The following PCDH15 variants were observed in gnomAD, a reference collection of about 807,000 sequenced individuals.
PCDH15 encodes the protein protocadherin related 15, also known as protocadherin-15.
Under a neutral mutation model 178.5 loss-of-function variants are expected in PCDH15, and 129 were observed. That is an observed-to-expected ratio of 0.72 (90% confidence interval 0.63 to 0.84). PCDH15 has a LOEUF of 0.84. Among genes scored for constraint, PCDH15 ranks in the 40% least tolerant of loss-of-function variants. The pLI, the probability that PCDH15 is intolerant of heterozygous loss-of-function variation, is 0.00. For synonymous variants in PCDH15, 800 were observed against 732.0 expected, an observed-to-expected ratio of 1.09 and a Z score of -1.50; for missense variants, 2,230 against 2,099.9, an observed-to-expected ratio of 1.06 and a Z score of -1.21.
At chr10:54,548,799 A>C (rs935615429) in intron 2 of PCDH15, among the ~76,000 whole-genome samples, 3 of 151,288 alleles carry the variant, frequency 2.0e-5, no homozygotes, top group African/African-American at 4.8e-5. Flanking sequence ...GCTGAAGAAC[A>C]TTGTAATTTT....
At chr10:54,878,404 C>A (rs1358994832) in intron 3 of PCDH15, among the ~76,000 whole-genome samples, 1 of 152,114 alleles carries the variant, frequency 6.6e-6, no homozygotes, top group Non-Finnish European at 1.5e-5. Flanking sequence ...TACAAATATG[C>A]AGATATTCCA....
In PCDH15 at chr10:54,730,141, A is replaced by T. The variant is rs77086716; in HGVS notation, c.-28-65851T>A. Among the ~76,000 whole-genome samples the T allele has an allele frequency of 2.8e-3, 428 of 151,838 alleles. 17 individuals carry two copies. The South Asian group carries it at 0.068, about 24-fold the overall frequency. On this transcript the variant is annotated intron_variant, in intron 1 of 37. Coordinates refer to ENST00000644397, the MANE Select transcript of PCDH15 (RefSeq NM_001384140.1). ...CTACTTATAGTAACGAAGACATGGA[A>T]TCAACCTAAATGATTATCAATAGTG...
chr10:55,602,106 T>G (rs1205401247), intron 2 of PCDH15, among the ~76,000 whole-genome samples: 1 of 152,034 alleles, frequency 6.6e-6, no homozygotes, highest in African/African-American at 2.4e-5. Context: ...TTCCCTTTCC[T>G]AGTCAAGGAA....
At chr10:55,599,957 A>T (rs1310192745) in intron 2 of PCDH15, 2 of 1,514,418 alleles carry the variant, frequency 1.3e-6, no homozygotes, top group African/African-American at 2.8e-5. Context: ...TGACCTACCT[A>T]TGAAGAGGCG....
chr10:53,948,156 C>G (rs2086728761), intron 23 of PCDH15, among the ~76,000 whole-genome samples: 1 of 152,026 alleles, frequency 6.6e-6, no homozygotes, highest in South Asian at 2.1e-4. Flanking sequence ...TCCTGATAAA[C>G]CCATCCCTGT....
At chr10:54,065,959 G>A (rs1337182106) in intron 18 of PCDH15, among the ~76,000 whole-genome samples, 3 of 152,182 alleles carry the variant, frequency 2.0e-5, no homozygotes, top group Non-Finnish European at 4.4e-5. Flanking sequence ...GCCTTCTGTG[G>A]AAAAGTCAGA....
At chr10:55,237,784 T>C (rs1841423795) in intron 1 of PCDH15, among the ~76,000 whole-genome samples, 1 of 151,988 alleles carries the variant, frequency 6.6e-6, no homozygotes, top group Non-Finnish European at 1.5e-5. Flanking sequence ...GTAGATTGAA[T>C]GCATTCTGTA....
chr10:53,977,339 T>G (rs761162299), intron 21 of PCDH15, among the ~76,000 whole-genome samples: 4 of 152,100 alleles, frequency 2.6e-5, no homozygotes, highest in Non-Finnish European at 5.9e-5. Flanking sequence ...AAATCACAAA[T>G]AAACCTCATA....
At chr10:54,729,105 TA>T in intron 1 of PCDH15, among the ~76,000 whole-genome samples, 1 of 151,642 alleles carries the variant, frequency 6.6e-6, no homozygotes, top group Non-Finnish European at 1.5e-5. Flanking sequence ...AGAGCCTGAA[TA>T]GCCAAAGCAA....
chr10:54,571,333 GAA>G (rs60604711), intron 2 of PCDH15, among the ~76,000 whole-genome samples: 168 of 128,510 alleles, frequency 1.3e-3, no homozygotes, highest in African/African-American at 4.9e-3. Context: ...GACAAAATTT[GAA>G]AAAAAAAAAA....
intron 2 of PCDH15, among the ~76,000 whole-genome samples, chr10:55,621,187 A>C (rs776409946): frequency 8.5e-5 from 13 of 152,204 alleles, no homozygotes; most frequent in Non-Finnish European, 1.8e-4. Flanking sequence ...AATTTAACTT[A>C]TATGTTTTAG....
intron 2 of PCDH15, among the ~76,000 whole-genome samples, chr10:54,627,430 C>T (rs1029863428): frequency 5.9e-5 from 9 of 152,100 alleles, no homozygotes; most frequent in African/African-American, 2.2e-4. Context: ...GTGAATGGGT[C>T]TCACGAGATC....
At chr10:54,259,707 C>T (rs1016116075) in intron 8 of PCDH15, among the ~76,000 whole-genome samples, 1 of 152,004 alleles carries the variant, frequency 6.6e-6, no homozygotes, top group African/African-American at 2.4e-5. Flanking sequence ...TTTCCTGAAA[C>T]CTAGAGAAGA....
chr10:53,820,286 T>G (rs1283513374), intron 32 of PCDH15, 56 bp from the exon 33 acceptor site: 1 of 396,760 alleles, frequency 2.5e-6, no homozygotes, highest in African/African-American at 2.1e-5. Context: ...CCCAAGAAAG[T>G]AATTACTCTT....
chr10:53,812,464 C>T (rs999198787), intron 35 of PCDH15, among the ~76,000 whole-genome samples: 6 of 152,034 alleles, frequency 3.9e-5, no homozygotes, highest in African/African-American at 9.7e-5. Flanking sequence ...CAGCCCCAAT[C>T]GGCCTCCCAA....
At position 54,962,389 on chromosome 10, in the gene PCDH15, A is replaced by C. The variant is rs1838678944; in HGVS notation, c.-79-64889T>G. 2.0e-5 allele frequency among the ~76,000 whole-genome samples: 3 copies of C among 152,098 alleles called. No homozygotes were observed. The South Asian group carries it at 6.2e-4, about 32-fold the overall frequency. ...GGTGGGACTGAAAGAGCTGTAACAT[A>C]AATGGGCTGAAACATATCTCCCCCC... On this transcript the variant is annotated intron_variant, in intron 2 of 5. Coordinates refer to the PCDH15 transcript ENST00000458638.
At chr10:54,520,024 A>T (rs1423976622) in intron 3 of PCDH15, among the ~76,000 whole-genome samples, 2 of 152,212 alleles carry the variant, frequency 1.3e-5, no homozygotes, top group Non-Finnish European at 2.9e-5. Flanking sequence ...AGAAAGCTGA[A>T]ACTGGATCCC....
intron 3 of PCDH15, among the ~76,000 whole-genome samples, chr10:54,810,180 G>A (rs992113151): frequency 4.6e-5 from 7 of 152,144 alleles, no homozygotes; most frequent in East Asian, 1.9e-4. Flanking sequence ...TATCTTCATC[G>A]TCACCCTTGG....
intron 21 of PCDH15, among the ~76,000 whole-genome samples, chr10:53,990,890 G>A (rs1169050457): frequency 6.6e-6 from 1 of 152,114 alleles, no homozygotes; most frequent in Non-Finnish European, 1.5e-5. Flanking sequence ...GGGCTTGGCG[G>A]GCCCCACACT....
Sources: allele counts gnomAD v4.1 joint callset (sites outside exome capture counted in the v4.1 genomes callset), GRCh38; gene constraint gnomAD v4.1.1; transcripts MANE v1.5; gene names NCBI Gene and HGNC (gene_info 2026-07-23, HGNC 2026-07-21).